GPR137: variants seen among roughly 807,000 people sequenced by gnomAD.
GPR137 encodes the protein integral membrane protein GPR137.
GPR137 carries 20 observed loss-of-function variants against 38.9 expected under a neutral mutation model. The observed-to-expected ratio is 0.51, with a 90% CI of 0.36 to 0.75. GPR137 has a LOEUF of 0.75. GPR137 is among the 30% of genes least tolerant of loss of function. GPR137 has a pLI of 0.00. For missense variants in GPR137, 456 were observed against 526.4 expected, an observed-to-expected ratio of 0.87 and a Z score of 1.31; for synonymous variants, 226 against 235.8, an observed-to-expected ratio of 0.96 and a Z score of 0.38.
At chr11:64,284,210 C>T (rs2033680960), upstream of GPR137, 2 of 1,603,214 alleles carry the variant, frequency 1.2e-6, no homozygotes, top group East Asian at 2.2e-5. Context: ...TGGTTGGCTG[C>T]TCCTGCTGGT....
upstream of GPR137, among the ~76,000 whole-genome samples, chr11:64,281,977 C>A (rs2033507311): frequency 6.6e-6 from 1 of 152,194 alleles, no homozygotes; most frequent in African/African-American, 2.4e-5. Flanking sequence ...CCTAGGCCTC[C>A]CAAAGTGTTG....
Position 64,286,101 on chromosome 11 carries a change from G to T in GPR137, c.-424G>T. On this transcript the variant is annotated 5_prime_UTR_variant, in exon 1 of 7. Coordinates refer to ENST00000438980, the MANE Select transcript of GPR137 (RefSeq NM_001170880.2). ...GGAGGGGGAGAGCGGGGCATTGGGCGCCCCTCGCAGCGGCCGCTGCCCTGA... is the reference window on the plus strand; with the variant it reads ...GGAGGGGGAGAGCGGGGCATTGGGCTCCCCTCGCAGCGGCCGCTGCCCTGA... 5 of 998,700 alleles carry T rather than the reference G, an allele frequency of 5.0e-6. No homozygotes were observed. In the South Asian group the frequency reaches 2.3e-4, roughly 46 times the overall value. 61.9% of individuals were successfully genotyped at this position (998,700 alleles called of 1,614,324 possible). A position where few individuals can be genotyped will look rare whatever the true frequency, so the allele number is the denominator to read the frequency against.
chr11:64,278,889 T>A (rs2033243105), intron 2 of GPR137, among the ~76,000 whole-genome samples: 1 of 152,240 alleles, frequency 6.6e-6, no homozygotes, highest in South Asian at 2.1e-4. Context: ...GGCGGGGCAC[T>A]GGCACTTGCT....
chr11:64,284,517 C>A, upstream of GPR137: 1 of 1,542,786 alleles, frequency 6.5e-7, no homozygotes. Flanking sequence ...CATCTGTCTG[C>A]CGGGTCTGGC....
upstream of GPR137, among the ~76,000 whole-genome samples, chr11:64,279,530 G>T (rs2033289061): frequency 6.6e-6 from 1 of 152,256 alleles, no homozygotes; most frequent in South Asian, 2.1e-4. Flanking sequence ...ATTTTGGGAG[G>T]CTGAGGCGGG....
In GPR137 at chr11:64,285,930, G is replaced by T. The variant is rs904923482; in HGVS notation, c.-595G>T. On this transcript the variant is annotated 5_prime_UTR_variant, in exon 1 of 7. Coordinates refer to ENST00000438980, the MANE Select transcript of GPR137 (RefSeq NM_001170880.2). ...CCCATCAGCGGCCTGAGGACCTGGC[G>T]TCCGCCTCCTCCCTCCCCTTGAGGC... 6.2e-6 allele frequency: 6 copies of T among 964,202 alleles called. No homozygotes were observed. Among genetic ancestry groups the T allele is most frequent in the Non-Finnish European group, 7.4e-6 (6 of 810,632 alleles). The allele number at this position is 964,202 out of a possible 1,614,324, so 59.7% of individuals were successfully genotyped here. A position where few individuals can be genotyped will look rare whatever the true frequency, so the allele number is the denominator to read the frequency against.
chr11:64,271,479 AG>A (rs1392671752), upstream of GPR137: 1 of 890,488 alleles, frequency 1.1e-6, no homozygotes, highest in Non-Finnish European at 1.5e-6. Flanking sequence ...CTCTGGAGCT[AG>A]GAAGGAACAG....
intron 1 of GPR137, chr11:64,275,832 C>T (rs2033016887): frequency 6.6e-6 from 1 of 151,972 alleles, no homozygotes; most frequent in South Asian, 2.1e-4. Context: ...GCAGAAGACA[C>T]TGGGCAGGTA....
At chr11:64,274,161 G>A (rs1362416724), upstream of GPR137, among the ~76,000 whole-genome samples, 1 of 152,202 alleles carries the variant, frequency 6.6e-6, no homozygotes, top group Non-Finnish European at 1.5e-5. Flanking sequence ...GGGAGGCCGA[G>A]GCAGGCGCAT....
Position 64,288,946 on chromosome 11 carries a change from G to A in GPR137, c.1032-91G>A, listed in dbSNP as rs1025565765. 79 of 1,449,292 alleles carry A rather than the reference G, an allele frequency of 5.5e-5. No individual in the cohort carries two copies. The highest frequency in any genetic ancestry group is 1.8e-4 in the Middle Eastern group (1 of 5,572). The allele number at this position is 1,449,292 out of a possible 1,614,324, so 89.8% of individuals were successfully genotyped here. A position where few individuals can be genotyped will look rare whatever the true frequency, so the allele number is the denominator to read the frequency against. Reference sequence around the variant, plus strand: ...TGGGCCCCGAAGGTCTAGGTCACAGGGGTTCTGTTCTAAGCCTGTCTTCCT... The same window carrying A: ...TGGGCCCCGAAGGTCTAGGTCACAGAGGTTCTGTTCTAAGCCTGTCTTCCT... On this transcript the variant is annotated intron_variant, in intron 6 of 6. Transcript: ENST00000438980. The surrounding 1 kb of genome is among the most constrained non-coding windows in gnomAD (Gnocchi z 5.5).
upstream of GPR137, chr11:64,285,043 T>C: frequency 8.6e-7 from 1 of 1,162,456 alleles, no homozygotes; most frequent in South Asian, 2.1e-5. Flanking sequence ...CAGTGAAAAC[T>C]TTGTGAAGGG....
At position 64,277,571 on chromosome 11, in the gene GPR137, T is replaced by C. The variant is rs186644537; in HGVS notation, c.-16+1150T>C. On this transcript the variant is annotated intron_variant, in intron 2 of 2. Coordinates refer to the GPR137 transcript ENST00000538244. ...TCCCACCTCAGCCTCCTGAGTAGCT[T>C]GGACTACAGGCATCACCATGCCCGG... Among the ~76,000 whole-genome samples the C allele has an allele frequency of 3.7e-3, 556 of 152,288 alleles. 7 individuals carry two copies. The Middle Eastern group carries it at 0.1, about 28-fold the overall frequency.
chr11:64,275,549 G>C (rs1314828712), upstream of GPR137: 1 of 152,240 alleles, frequency 6.6e-6, no homozygotes, highest in African/African-American at 2.4e-5. Flanking sequence ...TGAGGCCTCT[G>C]AGAGTCCCAG....
upstream of GPR137, among the ~76,000 whole-genome samples, chr11:64,272,295 G>A (rs1307261493): frequency 6.6e-6 from 1 of 151,834 alleles, no homozygotes; most frequent in African/African-American, 2.4e-5. Flanking sequence ...CTCCAGCCTG[G>A]GCGACAGGCT....
chr11:64,284,302 C>G, upstream of GPR137: 3 of 1,612,206 alleles, frequency 1.9e-6, no homozygotes, highest in South Asian at 2.2e-5. Context: ...GGGCTGGGGC[C>G]CAGGCCCCTC....
At position 64,289,435 on chromosome 11, in the gene GPR137, C is replaced by A; in HGVS notation, c.*239C>A. The A allele has an allele frequency of 6.6e-7, 1 of 1,518,764 alleles. No homozygotes were observed. Among genetic ancestry groups the A allele is most frequent in the Middle Eastern group, 2.2e-4 (1 of 4,494 alleles). 94.1% of individuals were successfully genotyped at this position (1,518,764 alleles called of 1,614,324 possible). Reference sequence around the variant, plus strand: ...GCATGACCTGCCACCTCTGCTTCCACACCGGAGCCAGCTACCTCTCCTGTG... The same window carrying A: ...GCATGACCTGCCACCTCTGCTTCCAAACCGGAGCCAGCTACCTCTCCTGTG... On this transcript the variant is annotated 3_prime_UTR_variant, in exon 7 of 7. Coordinates refer to ENST00000438980, the MANE Select transcript of GPR137 (RefSeq NM_001170880.2).
chr11:64,284,325 G>T (rs1327877393), upstream of GPR137: 3 of 1,612,792 alleles, frequency 1.9e-6, no homozygotes, highest in Non-Finnish European at 1.7e-6. Flanking sequence ...TGCAGAGCTG[G>T]AGTCTTCCTG....
upstream of GPR137, among the ~76,000 whole-genome samples, chr11:64,281,998 C>G (rs1037420848): frequency 6.6e-6 from 1 of 152,186 alleles, no homozygotes; most frequent in African/African-American, 2.4e-5. Flanking sequence ...GAATTACAGG[C>G]GTGAGCCACC....
At chr11:64,276,187 G>A (rs889822198) in intron 1 of GPR137, among the ~76,000 whole-genome samples, 6 of 152,038 alleles carry the variant, frequency 3.9e-5, no homozygotes, top group African/African-American at 1.2e-4. Flanking sequence ...CACCAAATTC[G>A]TGGACTTAGC....
Sources: allele counts gnomAD v4.1 joint callset (sites outside exome capture counted in the v4.1 genomes callset), GRCh38; gene constraint gnomAD v4.1.1; non-coding constraint Gnocchi (gnomAD v3.1); transcripts MANE v1.5; gene names NCBI Gene and HGNC (gene_info 2026-07-23, HGNC 2026-07-21).